ATP9B: variants seen among roughly 807,000 people sequenced by gnomAD.
The protein encoded by ATP9B is probable phospholipid-transporting ATPase IIB.
ATP9B carries 110 observed loss-of-function variants against 146.1 expected under a neutral mutation model. The ratio of observed to expected loss-of-function variants is 0.75; its 90% CI spans 0.65 to 0.88. The LOEUF is 0.88. Among genes scored for constraint, ATP9B ranks in the 40% least tolerant of loss-of-function variants. The pLI, the probability that ATP9B is intolerant of heterozygous loss-of-function variation, is 0.00. For synonymous variants in ATP9B, 604 were observed against 569.7 expected, an observed-to-expected ratio of 1.06 and a Z score of -0.86; for missense variants, 1,499 against 1,496.4, an observed-to-expected ratio of 1.00 and a Z score of -0.03.
At chr18:79,113,375 T>A in intron 4 of ATP9B, 21 bp downstream of exon 4, 1 of 1,312,996 alleles carries the variant, frequency 7.6e-7, no homozygotes, top group Non-Finnish European at 1.1e-6. Flanking sequence ...ACTTTAAAAA[T>A]TAAGTTAAAT....
chr18:79,253,874 A>G, intron 12 of ATP9B: 1 of 199,848 alleles, frequency 5.0e-6, no homozygotes, highest in Non-Finnish European at 1.0e-5. Context: ...TTAAATGTCC[A>G]GTGCCCTTTG....
intron 12 of ATP9B, among the ~76,000 whole-genome samples, chr18:79,264,188 G>A (rs1252596855): frequency 6.6e-6 from 1 of 152,172 alleles, no homozygotes; most frequent in African/African-American, 2.4e-5. Context: ...CAAAGTGTTT[G>A]TACCAATTTA....
intron 1 of ATP9B, among the ~76,000 whole-genome samples, chr18:79,073,162 C>T (rs967040282): frequency 6.1e-5 from 9 of 147,276 alleles, no homozygotes; most frequent in African/African-American, 1.8e-4. Context: ...GCCGGGCAGA[C>T]GGGCTCCTCA....
chr18:79,213,693 A>G lies in ATP9B; in HGVS notation c.1031-269A>G, dbSNP rs373171216. Among the ~76,000 whole-genome samples, 365 of 152,224 alleles carry G rather than the reference A, an allele frequency of 2.4e-3. 2 individuals carry two copies. The highest frequency in any genetic ancestry group is 6.4e-3 in the South Asian group (31 of 4,828). On this transcript the variant is annotated intron_variant, in intron 10 of 29. Transcript: ENST00000426216. ...GTGAAAGGCCATTGTCATTATCTCT[A>G]TTGTCAGTGAAAAGAATATTAGTAC...
intron 17 of ATP9B, chr18:79,333,048 C>T (rs2096800119): frequency 1.3e-5 from 2 of 152,256 alleles, no homozygotes; most frequent in African/African-American, 4.8e-5. Flanking sequence ...CCTTGATCAG[C>T]AGATACAGTA....
chr18:79,321,457 A>T (rs893290702), intron 15 of ATP9B, among the ~76,000 whole-genome samples: 2 of 150,506 alleles, frequency 1.3e-5, no homozygotes, highest in African/African-American at 4.9e-5. Flanking sequence ...ATCTCAGCTC[A>T]CTGCAACCTC....
At position 79,119,083 on chromosome 18, in the gene ATP9B, A is replaced by AC. The variant is rs1555690009; in HGVS notation, c.558+5729_558+5730insC. ...GAGACCGTGTCTTAAAAAAAAAAAA[A>AC]AAAAAATTGCCTTGTGGGTTAAAAC... On this transcript the variant is annotated intron_variant, in intron 4 of 29. Coordinates refer to ENST00000426216, the MANE Select transcript of ATP9B (RefSeq NM_198531.5). Among the ~76,000 whole-genome samples, 696 of 151,178 alleles carry AC rather than the reference A, an allele frequency of 4.6e-3. 5 individuals are homozygous for AC. The highest frequency in any genetic ancestry group is 8.1e-3 in the African/African-American group (333 of 41,078).
intron 19 of ATP9B, among the ~76,000 whole-genome samples, chr18:79,338,232 T>TC (rs1182077637): frequency 1.3e-5 from 2 of 152,232 alleles, no homozygotes; most frequent in Admixed American, 6.5e-5. Flanking sequence ...AAGCTGCTTC[T>TC]CACTTGTGCC....
Position 79,110,383 on chromosome 18 carries a change from C to G in ATP9B, c.322C>G (p.Arg108Gly). 1 of 1,603,870 alleles carries G rather than the reference C, an allele frequency of 6.2e-7. No individual in the cohort carries two copies. The highest frequency in any genetic ancestry group is 8.5e-7 in the Non-Finnish European group (1 of 1,174,382). ...CTGTGGTTGGCTGATAAATATTTGT[C>G]GAAGAAAGAAAGAGCTGAAAGCTCG... Reference protein sequence around the residue: ...SCCGWLINICRRKKELKARTV... With the variant: ...SCCGWLINICGRKKELKARTV... The change falls in exon 3 of 30, where the codon CGA (arginine) becomes GGA (glycine). Residue 108 changes from arginine to glycine, a missense_variant. Coordinates refer to ENST00000426216, the MANE Select transcript of ATP9B (RefSeq NM_198531.5).
chr18:79,211,127 G>A (rs2095580341), intron 10 of ATP9B, among the ~76,000 whole-genome samples: 1 of 152,152 alleles, frequency 6.6e-6, no homozygotes, highest in South Asian at 2.1e-4. Context: ...GAAATATTGA[G>A]TGGACTACTT....
chr18:79,355,804 A>G (rs1001838480), intron 25 of ATP9B, among the ~76,000 whole-genome samples: 5 of 152,222 alleles, frequency 3.3e-5, no homozygotes, highest in Non-Finnish European at 7.3e-5. Context: ...AGGACAGTCA[A>G]ATTCACACCA....
chr18:79,338,216 C>T (rs1421218754), intron 19 of ATP9B, among the ~76,000 whole-genome samples: 1 of 152,234 alleles, frequency 6.6e-6, no homozygotes, highest in African/African-American at 2.4e-5. Context: ...AAAGGACACC[C>T]AGTGGAAGCT....
intron 26 of ATP9B, chr18:79,360,099 A>G (rs1358175454): frequency 1.9e-5 from 3 of 154,676 alleles, no homozygotes; most frequent in African/African-American, 4.8e-5. Context: ...GGATTAAAGG[A>G]GGCTTTGAAT....
chr18:79,229,157 A>G lies in ATP9B; in HGVS notation c.1107+15119A>G, dbSNP rs193236150. Among the ~76,000 whole-genome samples the G allele has an allele frequency of 1.3e-4, 20 of 152,340 alleles. No homozygotes were observed. In the East Asian group the frequency reaches 2.9e-3, roughly 22 times the overall value. ...ATGTGAAATATAATGCTTTTTTAGT[A>G]CAATACTGTTGATAACTCACACTAG... On this transcript the variant is annotated intron_variant, in intron 11 of 29. Transcript: ENST00000426216.
intron 15 of ATP9B, among the ~76,000 whole-genome samples, chr18:79,326,467 C>T (rs926152417): frequency 2.0e-5 from 3 of 148,188 alleles, no homozygotes; most frequent in East Asian, 3.9e-4. Context: ...ACTCCTTCCC[C>T]TCACATGGTG....
chr18:79,372,015 C>T (rs1352494300), intron 26 of ATP9B, among the ~76,000 whole-genome samples: 2 of 152,352 alleles, frequency 1.3e-5, no homozygotes, highest in Middle Eastern at 3.4e-3. Flanking sequence ...AGGTGTCAAA[C>T]AAAGGCCTCA....
chr18:79,278,344 G>A (rs2096337326), intron 13 of ATP9B, among the ~76,000 whole-genome samples: 1 of 152,190 alleles, frequency 6.6e-6, no homozygotes. Context: ...ACTCGGGACT[G>A]TACTTCCACT....
intron 7 of ATP9B, among the ~76,000 whole-genome samples, chr18:79,170,247 C>T (rs1037887634): frequency 2.6e-5 from 4 of 152,170 alleles, no homozygotes; most frequent in African/African-American, 7.2e-5. Flanking sequence ...TGGGTGGCAT[C>T]GATTCCTAGT....
intron 26 of ATP9B, among the ~76,000 whole-genome samples, chr18:79,366,241 G>A (rs993498276): frequency 5.3e-5 from 8 of 152,220 alleles, no homozygotes; most frequent in Non-Finnish European, 1.2e-4. Context: ...TCTGTCTGGC[G>A]CGGTGGTGGC....
Sources: gnomAD v4.1 joint callset for allele counts (sites outside exome capture counted in the v4.1 genomes callset) on GRCh38, gnomAD v4.1.1 for gene constraint, MANE v1.5 for transcripts, NCBI Gene and HGNC (gene_info 2026-07-23, HGNC 2026-07-21) for gene names.